Variants in RNF213 observed in about 807,000 individuals in gnomAD.
RNF213 encodes the protein E3 ubiquitin-protein ligase RNF213.
RNF213 carries 341 observed loss-of-function variants against 514.4 expected under a neutral mutation model. The observed-to-expected ratio is 0.66, with a 90% CI of 0.61 to 0.73. RNF213 has a LOEUF of 0.73. Ranked by LOEUF, RNF213 falls within the 30% of genes least tolerant of loss-of-function variation. The probability of loss-of-function intolerance (pLI) is 0.00; values close to 1 mark genes in which losing one functional copy is unlikely to be tolerated. For missense variants in RNF213, 5,767 were observed against 6,615.6 expected, an observed-to-expected ratio of 0.87 and a Z score of 4.45; for synonymous variants, 2,655 against 2,658.2, an observed-to-expected ratio of 1.00 and a Z score of 0.04.
chr17:80,385,900 A>G (rs1366794249), intron 61 of RNF213, among the ~76,000 whole-genome samples: 1 of 152,144 alleles, frequency 6.6e-6, no homozygotes. Flanking sequence ...TCCCAAGCTC[A>G]GGCAATCCAC....
chr17:80,334,219 G>T lies in RNF213; in HGVS notation c.4258G>T (p.Ala1420Ser). ...ISEARCKGLQ[A>S]LSLRKEFICW... Reference sequence around the variant, plus strand: ...CGAGGCCCGGTGCAAGGGGCTGCAGGCTCTGTCCCTGAGAAAGGAGTTCAT... The same window carrying T: ...CGAGGCCCGGTGCAAGGGGCTGCAGTCTCTGTCCCTGAGAAAGGAGTTCAT... The change falls in exon 22 of 68, where the codon GCT becomes TCT. Residue 1420 changes from alanine to serine, a missense_variant. By Grantham distance (99) the Ala-to-Ser change is moderately conservative. Coordinates refer to ENST00000582970, the MANE Select transcript of RNF213 (RefSeq NM_001256071.3). 2.0e-6 allele frequency: 3 copies of T among 1,537,212 alleles called. No individual in the cohort carries two copies. The highest frequency in any genetic ancestry group is 1.7e-6 in the Non-Finnish European group (2 of 1,146,884).
chr17:80,333,934 G>T (rs1312552317), intron 21 of RNF213, 171 bp from the exon 22 acceptor site: 10 of 659,872 alleles, frequency 1.5e-5, no homozygotes, highest in Non-Finnish European at 2.4e-5. Context: ...CAGCCATGGG[G>T]GTTTGATCAT....
intron 16 of RNF213, among the ~76,000 whole-genome samples, chr17:80,318,923 A>G (rs948053806): frequency 1.3e-5 from 2 of 152,228 alleles, no homozygotes; most frequent in African/African-American, 4.8e-5. Context: ...GAAACAAGGA[A>G]AAATGACCTA....
chr17:80,339,512 G>A lies in RNF213; in HGVS notation c.5145G>A (p.Glu1715=), dbSNP rs1368775860. 9.8e-6 allele frequency: 15 copies of A among 1,537,240 alleles called. No homozygotes were observed. In the East Asian group the frequency reaches 3.4e-4, roughly 35 times the overall value. The change falls in exon 26 of 68, where the codon GAG becomes GAA. Residue 1715 remains glutamate, a synonymous_variant. Transcript: ENST00000582970. ...AGCAGCTGGTTTACCTGAGCACTGA[G>A]CTCAGGAAGCAGCCCCCGAGTGATG... ...TAEQLVYLST[E]LRKQPPSDAA...
At chr17:80,366,681 A>T (rs9914778) in intron 42 of RNF213, among the ~76,000 whole-genome samples, 124,340 of 151,796 alleles carry the variant, frequency 0.82, 51,606 homozygotes, top group African/African-American at 0.89. Context: ...AAAAAAAAAA[A>T]TCTGTAAATG....
intron 42 of RNF213, 109 bp downstream of exon 42, chr17:80,364,662 G>T (rs1167527948): frequency 1.5e-6 from 2 of 1,362,660 alleles, no homozygotes; most frequent in Non-Finnish European, 2.1e-6. Flanking sequence ...GGCTCTGACC[G>T]TTTTGTCTAG....
intron 36 of RNF213, 143 bp downstream of exon 36, chr17:80,354,719 T>C: frequency 9.2e-7 from 1 of 1,091,534 alleles, no homozygotes; most frequent in African/African-American, 1.6e-5. Context: ...CTGTAAAGTT[T>C]TTCCCCAAGA....
Position 80,347,191 on chromosome 17 carries a change from G to C in RNF213, c.8856G>C (p.Gly2952=), listed in dbSNP as rs1423909680. 5 of 1,613,714 alleles carry C rather than the reference G, an allele frequency of 3.1e-6. No homozygotes were observed. In the South Asian group the frequency reaches 4.4e-5, roughly 14 times the overall value. The part of the protein sequence containing the change: ...VCKRQDKEFF[G]LRDYYSLIKM... ...AGCGCCAGGACAAGGAATTCTTCGG[G>C]CTTCGTGACTACTACAGCCTCATCA... The change falls in exon 29 of 68, where the codon GGG becomes GGC. Residue 2952 remains glycine (G), a synonymous_variant. Coordinates refer to ENST00000582970, the MANE Select transcript of RNF213 (RefSeq NM_001256071.3). The surrounding 1 kb of genome is among the most constrained non-coding windows in gnomAD (Gnocchi z 7.2).
rs1285610730 is a variant in RNF213, at chr17:80,345,414, C to T, written c.7079C>T (p.Pro2360Leu). 4 of 1,613,844 alleles carry T rather than the reference C, an allele frequency of 2.5e-6. No homozygotes were observed. The highest frequency in any genetic ancestry group is 1.1e-5 in the South Asian group (1 of 91,066). ...LYQGLLLQRV[P>L]FNVDFDKLPR... ...CAGGGCCTGCTGCTCCAGAGGGTGC[C>T]CTTCAATGTCGACTTTGATAAACTG... The change falls in exon 29 of 68, where the codon CCC becomes CTC. Residue 2360 changes from proline to leucine, a missense_variant. Coordinates refer to ENST00000582970, the MANE Select transcript of RNF213 (RefSeq NM_001256071.3). This position sits in a 1 kb window ranked among gnomAD's most constrained non-coding sequence, Gnocchi z 6.0.
intron 8 of RNF213, among the ~76,000 whole-genome samples, chr17:80,293,779 A>G (rs1598940906): frequency 6.6e-6 from 1 of 152,002 alleles, no homozygotes; most frequent in Non-Finnish European, 1.5e-5. Context: ...GTGAGCCAAG[A>G]TCGTGCCACT....
intron 48 of RNF213, 80 bp from the exon 49 acceptor site, chr17:80,372,895 T>C (rs1354791288): frequency 8.2e-6 from 12 of 1,470,640 alleles, no homozygotes; most frequent in African/African-American, 1.4e-5. Context: ...GTAGGTCCGA[T>C]GCCCTCTGGT....
intron 2 of RNF213, among the ~76,000 whole-genome samples, chr17:80,270,030 C>T (rs2043766125): frequency 6.6e-6 from 1 of 152,226 alleles, no homozygotes; most frequent in Non-Finnish European, 1.5e-5. Context: ...TCACCCTGGG[C>T]CAGGACTGTC....
intron 13 of RNF213, among the ~76,000 whole-genome samples, chr17:80,307,776 C>T (rs1311609856): frequency 6.6e-6 from 1 of 151,544 alleles, no homozygotes; most frequent in Non-Finnish European, 1.5e-5. Flanking sequence ...TCTTGAACTT[C>T]TGACCTCAGG....
Position 80,389,884 on chromosome 17 carries a change from T to C in RNF213, c.15252T>C (p.Ala5084=). 1.2e-6 allele frequency: 2 copies of C among 1,614,202 alleles called. No individual in the cohort carries two copies. The highest frequency in any genetic ancestry group is 2.2e-5 in the South Asian group (2 of 91,086). The change falls in exon 66 of 68, where the codon GCT becomes GCC. Residue 5084 remains alanine (A), a synonymous_variant. Coordinates refer to ENST00000582970, the MANE Select transcript of RNF213 (RefSeq NM_001256071.3). ...TTGCCCTCTGGCAGTTCCTGTCTGC[T>C]CATAAGTCTGAACAGCTGCTGCGGC... The part of the protein sequence containing the change: ...HTIALWQFLS[A]HKSEQLLRLH...
intron 46 of RNF213, 155 bp from the exon 47 acceptor site, chr17:80,371,719 G>C (rs751229352): frequency 3.4e-6 from 2 of 590,582 alleles, no homozygotes; most frequent in South Asian, 4.1e-5. Context: ...TATGCTAAAA[G>C]GTTTTCCATA....
rs2080675790 is a variant in RNF213 at position 80,396,824 on chromosome 17, G to C, written c.*3326G>C. The C allele has an allele frequency of 6.6e-6, 1 of 150,696 alleles. No individual in the cohort carries two copies. Among genetic ancestry groups the C allele is most frequent in the South Asian group, 2.1e-4 (1 of 4,802 alleles). 9.3% of individuals were successfully genotyped at this position (150,696 alleles called of 1,614,324 possible). On this transcript the variant is annotated 3_prime_UTR_variant, in exon 68 of 68. Transcript: ENST00000582970. The stretch of plus-strand genomic sequence containing the variant: ...ATGCTGGGGATAGCCCTTTTGAGGA[G>C]GTGGGGGTGTATGCGAAAGCAACCT...
At position 80,263,589 on chromosome 17, in the gene RNF213, C is replaced by T; in HGVS notation, c.-93C>T. 2.0e-6 allele frequency: 2 copies of T among 1,019,004 alleles called. No individual in the cohort carries two copies. The highest frequency in any genetic ancestry group is 3.1e-6 in the Non-Finnish European group (2 of 638,148). The allele number at this position is 1,019,004 out of a possible 1,614,324, so 63.1% of individuals were successfully genotyped here. A position where few individuals can be genotyped will look rare whatever the true frequency, so the allele number is the denominator to read the frequency against. ...ACTTTCGCAGAAAATGAAACTGAAG[C>T]CGTGGTCACGTGACAGGACATGTAG... On this transcript the variant is annotated 5_prime_UTR_variant, in exon 2 of 68. Coordinates refer to ENST00000582970, the MANE Select transcript of RNF213 (RefSeq NM_001256071.3). The surrounding 1 kb of genome is among the most constrained non-coding windows in gnomAD (Gnocchi z 4.9).
intron 46 of RNF213, among the ~76,000 whole-genome samples, chr17:80,371,025 C>T (rs377718686): frequency 8.8e-4 from 133 of 151,466 alleles, no homozygotes; most frequent in African/African-American, 3.0e-3. Flanking sequence ...TTTTTTAAAA[C>T]GTAGAATACA....
At chr17:80,284,877 G>A (rs1271412233) in intron 3 of RNF213, among the ~76,000 whole-genome samples, 1 of 152,168 alleles carries the variant, frequency 6.6e-6, no homozygotes, top group African/African-American at 2.4e-5. Flanking sequence ...AATCTCATTG[G>A]CTCTGATTGG....
Sources: allele counts gnomAD v4.1 joint callset (sites outside exome capture counted in the v4.1 genomes callset), GRCh38; gene constraint gnomAD v4.1.1; non-coding constraint Gnocchi (gnomAD v3.1); transcripts MANE v1.5; gene names NCBI Gene and HGNC (gene_info 2026-07-23, HGNC 2026-07-21).